Variants in CORO2B observed in about 807,000 individuals in gnomAD.
The protein encoded by CORO2B is coronin 2B.
In CORO2B, 26 loss-of-function variants were observed where a neutral mutation model predicts 58.8. That is an observed-to-expected ratio of 0.44 (90% CI 0.32 to 0.61). The LOEUF is 0.61. Ranked by LOEUF, CORO2B falls within the 20% of genes least tolerant of loss-of-function variation. The pLI is 0.04. For synonymous variants in CORO2B, 242 were observed against 253.8 expected (o/e 0.95, Z 0.44); for missense variants, 460 against 645.1 (o/e 0.71, Z 3.11).
chr15:68,659,034 A>G (rs1177625072), intron 2 of CORO2B, among the ~76,000 whole-genome samples: 1 of 152,248 alleles, frequency 6.6e-6, no homozygotes, highest in Admixed American at 6.5e-5. Flanking sequence ...TCTATTTATA[A>G]ATAAGTACTT....
Position 68,719,366 on chromosome 15 carries a change from A to C in CORO2B, c.1172-47A>C, listed in dbSNP as rs576634396. On this transcript the variant is annotated intron_variant, in intron 10 of 11. Transcript: ENST00000261861. Reference sequence around the variant, plus strand: ...ACCCAGCCTGCTGGACCATCACCTGACAGTCCATGGGATCGTCAGTGAGAG... The same window carrying C: ...ACCCAGCCTGCTGGACCATCACCTGCCAGTCCATGGGATCGTCAGTGAGAG... 13 of 1,609,804 alleles carry C rather than the reference A, an allele frequency of 8.1e-6. No homozygotes were observed. In the East Asian group the frequency reaches 2.7e-4, roughly 33 times the overall value.
At chr15:68,672,781 T>C (rs1490298871) in intron 2 of CORO2B, among the ~76,000 whole-genome samples, 1 of 151,940 alleles carries the variant, frequency 6.6e-6, no homozygotes, top group East Asian at 1.9e-4. Context: ...CCAGGCCCCT[T>C]AGGTTATGAG....
chr15:68,534,498 C>G, the CORO2B span, among the ~76,000 whole-genome samples: 1 of 152,370 alleles, frequency 6.6e-6, no homozygotes. Flanking sequence ...ATAATGAACT[C>G]AACTTTCACT....
chr15:68,602,877 A>G (rs1460676853), intron 1 of CORO2B, among the ~76,000 whole-genome samples: 1 of 152,200 alleles, frequency 6.6e-6, no homozygotes, highest in Admixed American at 6.5e-5. Flanking sequence ...GCCTGTACGA[A>G]TCTTGCAAGC....
the CORO2B span, among the ~76,000 whole-genome samples, chr15:68,538,001 G>A: frequency 3.3e-5 from 5 of 152,314 alleles, no homozygotes; most frequent in South Asian, 2.1e-4. Context: ...TGTTCATAGA[G>A]TAGGTATCAT....
At chr15:68,526,504 T>C in the CORO2B span, among the ~76,000 whole-genome samples, 4 of 152,222 alleles carry the variant, frequency 2.6e-5, no homozygotes, top group Admixed American at 6.5e-5. Flanking sequence ...CTAATGATGC[T>C]GAGCATCTTT....
chr15:68,616,738 G>C (rs1042117148), intron 1 of CORO2B: 7 of 443,258 alleles, frequency 1.6e-5, no homozygotes, highest in African/African-American at 1.5e-4. Flanking sequence ...CTTGCCTCTT[G>C]GGTGCACGTG....
At chr15:68,612,419 G>C (rs947275517) in intron 1 of CORO2B, among the ~76,000 whole-genome samples, 1 of 152,182 alleles carries the variant, frequency 6.6e-6, no homozygotes, top group Non-Finnish European at 1.5e-5. Flanking sequence ...ACAGAGAAAA[G>C]GAGAATGAGA....
intron 1 of CORO2B, among the ~76,000 whole-genome samples, chr15:68,580,158 T>G (rs1307157266): frequency 1.3e-5 from 2 of 152,212 alleles, no homozygotes; most frequent in Non-Finnish European, 2.9e-5. Flanking sequence ...ATATGGGTCC[T>G]GGGTTGTGAC....
intron 2 of CORO2B, among the ~76,000 whole-genome samples, chr15:68,662,769 T>C (rs1602545): frequency 0.97 from 147,457 of 152,310 alleles, 71,576 homozygotes; most frequent in East Asian, 1. Context: ...GTTTACATTT[T>C]TCTCAACTGC....
At chr15:68,647,678 A>G (rs1201523330) in intron 2 of CORO2B, among the ~76,000 whole-genome samples, 4 of 130,190 alleles carry the variant, frequency 3.1e-5, no homozygotes, top group African/African-American at 1.3e-4. Flanking sequence ...AACAAGATCG[A>G]AACTCCATCT....
intron 2 of CORO2B, among the ~76,000 whole-genome samples, chr15:68,692,316 C>T (rs981968812): frequency 6.6e-6 from 1 of 152,102 alleles, no homozygotes; most frequent in Non-Finnish European, 1.5e-5. Context: ...AAATCATATT[C>T]AGCTGGGCGC....
chr15:68,700,480 C>T (rs1039473418), intron 3 of CORO2B, among the ~76,000 whole-genome samples: 10 of 152,192 alleles, frequency 6.6e-5, no homozygotes, highest in African/African-American at 2.4e-4. Context: ...AATCAATCCC[C>T]GTCCCCCAGG....
intron 1 of CORO2B, among the ~76,000 whole-genome samples, chr15:68,582,092 C>T (rs2140555922): frequency 1.3e-5 from 2 of 152,258 alleles, no homozygotes; most frequent in Middle Eastern, 6.8e-3. Context: ...TTTCCATTTT[C>T]CGCCTCTCTT....
At chr15:68,588,465 C>T (rs540926793) in intron 1 of CORO2B, among the ~76,000 whole-genome samples, 1 of 152,186 alleles carries the variant, frequency 6.6e-6, no homozygotes, top group African/African-American at 2.4e-5. Flanking sequence ...AGCATCCAAA[C>T]CTTGATCTGT....
At chr15:68,696,177 A>G (rs1216958524) in intron 3 of CORO2B, among the ~76,000 whole-genome samples, 3 of 151,538 alleles carry the variant, frequency 2.0e-5, no homozygotes, top group East Asian at 3.9e-4. Context: ...TTGAGCCTGG[A>G]AGGTCAAGGC....
chr15:68,650,331 T>G, intron 2 of CORO2B, among the ~76,000 whole-genome samples: 1 of 130,380 alleles, frequency 7.7e-6, no homozygotes, highest in Admixed American at 8.7e-5. Flanking sequence ...CTCTCCAGCC[T>G]GGGCAACAAG....
chr15:68,652,272 C>G (rs1323744730), intron 2 of CORO2B, among the ~76,000 whole-genome samples: 1 of 152,190 alleles, frequency 6.6e-6, no homozygotes, highest in Non-Finnish European at 1.5e-5. Flanking sequence ...CAGCTGCCAG[C>G]TCTCTGGAGT....
intron 1 of CORO2B, among the ~76,000 whole-genome samples, chr15:68,641,034 C>T (rs888411706): frequency 6.6e-6 from 1 of 152,136 alleles, no homozygotes; most frequent in South Asian, 2.1e-4. Context: ...TCAACAGCAG[C>T]CCCTGACCTC....
Sources: gnomAD v4.1 joint callset for allele counts (sites outside exome capture counted in the v4.1 genomes callset) on GRCh38, gnomAD v4.1.1 for gene constraint, MANE v1.5 for transcripts, NCBI Gene and HGNC (gene_info 2026-07-23, HGNC 2026-07-21) for gene names.